Variants in WDR20 observed in about 807,000 individuals in gnomAD.
The protein encoded by WDR20 is WD repeat-containing protein 20.
WDR20 carries 3 observed loss-of-function variants against 38.7 expected under a neutral mutation model. The observed-to-expected ratio is 0.08, with a 90% confidence interval of 0.04 to 0.20. The LOEUF (loss-of-function observed/expected upper bound fraction) is 0.20, where lower values mean the gene tolerates loss of function less well. Ranked by LOEUF, WDR20 falls within the 10% of genes least tolerant of loss-of-function variation. WDR20 has a pLI of 1.00. For missense variants in WDR20, 559 were observed against 727.7 expected (o/e 0.77, Z 2.67); for synonymous variants, 298 against 285.6 (o/e 1.04, Z -0.44).
intron 2 of WDR20, among the ~76,000 whole-genome samples, chr14:102,199,393 G>A (rs560881091): frequency 1.3e-5 from 2 of 152,108 alleles, no homozygotes; most frequent in Non-Finnish European, 2.9e-5. Flanking sequence ...TTCCTGGGAG[G>A]GGTGGTGTTG....
At chr14:102,200,464 TTTTTG>T (rs1374317198) in intron 2 of WDR20, among the ~76,000 whole-genome samples, 8 of 93,206 alleles carry the variant, frequency 8.6e-5, no homozygotes, top group South Asian at 3.2e-4. Flanking sequence ...TAAATTTTTT[TTTTTG>T]TGTGTGTGTG....
chr14:102,177,820 G>C (rs957938230), intron 1 of WDR20, among the ~76,000 whole-genome samples: 3 of 152,142 alleles, frequency 2.0e-5, no homozygotes, highest in Non-Finnish European at 4.4e-5. Flanking sequence ...ATTTAAGCTT[G>C]TTCTACACAA....
chr14:102,152,598 A>G (rs1214621255), intron 1 of WDR20, among the ~76,000 whole-genome samples: 4 of 152,012 alleles, frequency 2.6e-5, no homozygotes, highest in Non-Finnish European at 4.4e-5. Context: ...TATTTTTACT[A>G]CAGACGGGGT....
chr14:102,163,627 C>CAAAAAAAAAAA (rs58628061), intron 1 of WDR20, among the ~76,000 whole-genome samples: 7 of 62,822 alleles, frequency 1.1e-4, no homozygotes, highest in African/African-American at 4.7e-4. Context: ...GACTCTGTCT[C>CAAAAAAAAAAA]AAAAAAAAAA....
rs773674796 is a variant in WDR20 at position 102,207,517 on chromosome 14, T to C, written c.433-1086T>C. 3.3e-5 allele frequency among the ~76,000 whole-genome samples: 5 copies of C among 152,124 alleles called. No homozygotes were observed. The highest frequency in any genetic ancestry group is 5.9e-5 in the Non-Finnish European group (4 of 68,008). ...ACTCCCCACCTGTTAGGTGAAGCGGTGGTGTTCAACTTACCTGGGGCTGCT... is the reference window on the plus strand; with the variant it reads ...ACTCCCCACCTGTTAGGTGAAGCGGCGGTGTTCAACTTACCTGGGGCTGCT... On this transcript the variant is annotated intron_variant, in intron 2 of 2. Transcript: ENST00000342702. The surrounding 1 kb of genome is among the most constrained non-coding windows in gnomAD (Gnocchi z 5.0).
At chr14:102,201,322 T>C (rs908790495) in intron 2 of WDR20, among the ~76,000 whole-genome samples, 1 of 152,102 alleles carries the variant, frequency 6.6e-6, no homozygotes, top group Non-Finnish European at 1.5e-5. Context: ...GCAGATCCAC[T>C]CACCCCCAAA....
At chr14:102,141,337 C>A (rs2051044010) in intron 1 of WDR20, among the ~76,000 whole-genome samples, 1 of 152,204 alleles carries the variant, frequency 6.6e-6, no homozygotes, top group African/African-American at 2.4e-5. Context: ...TCGCTTGTTA[C>A]AAGAGCTAGG....
Position 102,142,137 on chromosome 14 carries a change from C to T in WDR20, c.249+1965C>T, listed in dbSNP as rs180862838. Among the ~76,000 whole-genome samples, 35 of 152,212 alleles carry T rather than the reference C, an allele frequency of 2.3e-4. 1 individual carries two copies. The highest frequency in any genetic ancestry group is 7.9e-4 in the African/African-American group (33 of 41,526). ...TTTTAAACAAGATAAATGTGAAATA[C>T]GTAAATTGCCCTTACCTGCATAATT... On this transcript the variant is annotated intron_variant, in intron 1 of 2. Coordinates refer to ENST00000342702, the MANE Select transcript of WDR20 (RefSeq NM_144574.4).
intron 1 of WDR20, among the ~76,000 whole-genome samples, chr14:102,172,786 T>G (rs1188842947): frequency 9.9e-6 from 1 of 100,992 alleles, no homozygotes; most frequent in Admixed American, 9.6e-5. Context: ...GGGTGGCTGC[T>G]GGGCGGAGGG....
downstream of WDR20, among the ~76,000 whole-genome samples, chr14:102,216,542 CTA>C (rs2063242566): frequency 2.0e-5 from 3 of 152,186 alleles, no homozygotes; most frequent in Admixed American, 2.0e-4. Context: ...GCCCTAAAGA[CTA>C]TTAAGTTGAC....
At chr14:102,223,663 T>C (rs2153074499) in exon 4 of WDR20, 1 of 152,696 alleles carries the variant, frequency 6.5e-6, no homozygotes, top group South Asian at 2.1e-4. Flanking sequence ...ATTAAAACTA[T>C]CTTGAATATA....
At position 102,189,863 on chromosome 14, in the gene WDR20, A is replaced by G. The variant is rs1254483266; in HGVS notation, c.250-5075A>G. The stretch of plus-strand genomic sequence containing the variant: ...CAATTCTGAAATCATATAAGTGATT[A>G]AATATTAAATGTTGTGGAATGAATT... On this transcript the variant is annotated intron_variant, in intron 1 of 2. Transcript: ENST00000342702. Among the ~76,000 whole-genome samples, 3 of 152,234 alleles carry G rather than the reference A, an allele frequency of 2.0e-5. No individual in the cohort carries two copies. The East Asian group carries it at 5.8e-4, about 29-fold the overall frequency.
Position 102,222,983 on chromosome 14 carries a change from T to C in WDR20, c.*100T>C, listed in dbSNP as rs1162605604. 1 of 1,469,660 alleles carries C rather than the reference T, an allele frequency of 6.8e-7. No homozygotes were observed. Among genetic ancestry groups the C allele is most frequent in the Non-Finnish European group, 9.5e-7 (1 of 1,056,310 alleles). 91.0% of individuals were successfully genotyped at this position (1,469,660 alleles called of 1,614,324 possible). On this transcript the variant is annotated 3_prime_UTR_variant, in exon 4 of 4. Coordinates refer to the WDR20 transcript ENST00000335263. The surrounding 1 kb of genome is among the most constrained non-coding windows in gnomAD (Gnocchi z 4.4). ...CCTGAGCCGTGCCAGCCGGCGGACC[T>C]CAGGCGGTGGACGTCGGCGATAGCC...
intron 1 of WDR20, among the ~76,000 whole-genome samples, chr14:102,165,625 T>C (rs867409128): frequency 6.7e-6 from 1 of 150,300 alleles, no homozygotes; most frequent in African/African-American, 2.5e-5. Flanking sequence ...TGTTTCTTTT[T>C]CTTTTCTTTT....
chr14:102,207,223 G>A lies in WDR20; in HGVS notation c.433-1380G>A, dbSNP rs531583065. Among the ~76,000 whole-genome samples, 2 of 152,380 alleles carry A rather than the reference G, an allele frequency of 1.3e-5. No homozygotes were observed. Among genetic ancestry groups the A allele is most frequent in the Non-Finnish European group, 1.5e-5 (1 of 68,044 alleles). On this transcript the variant is annotated intron_variant, in intron 2 of 2. Coordinates refer to ENST00000342702, the MANE Select transcript of WDR20 (RefSeq NM_144574.4). This position sits in a 1 kb window ranked among gnomAD's most constrained non-coding sequence, Gnocchi z 5.0. ...GCCCTGGGCCCGCATGCTGTGTGGC[G>A]TTCAGGCCTCCGTTCTTCCTGCCTG...
downstream of WDR20, among the ~76,000 whole-genome samples, chr14:102,216,565 G>T (rs964842586): frequency 6.6e-6 from 1 of 152,120 alleles, no homozygotes; most frequent in East Asian, 1.9e-4. Context: ...AGCAAGTTTT[G>T]TTTTTTTAAG....
intron 2 of WDR20, 76 bp downstream of exon 2, chr14:102,195,196 A>C: frequency 2.6e-6 from 4 of 1,521,316 alleles, no homozygotes; most frequent in Non-Finnish European, 3.6e-6. Flanking sequence ...AGTCGGCCTT[A>C]TTTTGCACTT....
chr14:102,156,812 A>G (rs949056599), intron 1 of WDR20, among the ~76,000 whole-genome samples: 3 of 151,938 alleles, frequency 2.0e-5, no homozygotes, highest in African/African-American at 7.3e-5. Flanking sequence ...CCTGACCAAC[A>G]TGGTGAAACC....
intron 1 of WDR20, among the ~76,000 whole-genome samples, chr14:102,183,451 T>C (rs539705226): frequency 2.0e-5 from 3 of 152,264 alleles, no homozygotes; most frequent in African/African-American, 7.2e-5. Context: ...AGCAGTGTAC[T>C]ATGTCCAAAA....
Sources: allele counts gnomAD v4.1 joint callset (sites outside exome capture counted in the v4.1 genomes callset), GRCh38; gene constraint gnomAD v4.1.1; non-coding constraint Gnocchi (gnomAD v3.1); transcripts MANE v1.5; gene names NCBI Gene and HGNC (gene_info 2026-07-23, HGNC 2026-07-21).